Variants in ATP2B2 observed in about 807,000 individuals in gnomAD.
ATP2B2 encodes the protein plasma membrane calcium-transporting ATPase 2.
In ATP2B2, 15 loss-of-function variants were observed where a neutral mutation model predicts 120.0. That is an observed-to-expected ratio of 0.12 (90% CI 0.08 to 0.19). The LOEUF (loss-of-function observed/expected upper bound fraction) is 0.19, where lower values mean the gene tolerates loss of function less well. ATP2B2 is among the 10% of genes least tolerant of loss of function. The pLI, the probability that ATP2B2 is intolerant of heterozygous loss-of-function variation, is 1.00. For missense variants in ATP2B2, 1,045 were observed against 1,719.8 expected (o/e 0.61, Z 6.94); for synonymous variants, 694 against 700.3 (o/e 0.99, Z 0.14).
chr3:10,449,207 C>T (rs1357207940), intron 2 of ATP2B2, 138 bp downstream of exon 2: 2 of 980,682 alleles, frequency 2.0e-6, no homozygotes, highest in Non-Finnish European at 3.0e-6. Context: ...AGCTAGAATG[C>T]ACTACAATGG....
intron 7 of ATP2B2, 22 bp downstream of exon 7, chr3:10,386,458 C>A (rs2061682830): frequency 6.2e-7 from 1 of 1,613,410 alleles, no homozygotes; most frequent in Non-Finnish European, 8.5e-7. Context: ...AGCCCATCTA[C>A]CCTGAGGGTG....
intron 3 of ATP2B2, among the ~76,000 whole-genome samples, chr3:10,403,520 C>G (rs2062301650): frequency 6.6e-6 from 1 of 152,248 alleles, no homozygotes; most frequent in Non-Finnish European, 1.5e-5. Context: ...CTCATCCCCA[C>G]AAGGGTCCTG....
At chr3:10,444,530 C>T (rs1048916308) in intron 2 of ATP2B2, among the ~76,000 whole-genome samples, 1 of 152,256 alleles carries the variant, frequency 6.6e-6, no homozygotes. Context: ...GGGATTCATA[C>T]AAAATTAACC....
At chr3:10,647,842 G>A (rs190270198) in intron 1 of ATP2B2, among the ~76,000 whole-genome samples, 1 of 152,332 alleles carries the variant, frequency 6.6e-6, no homozygotes, top group East Asian at 1.9e-4. Flanking sequence ...GCAAAGTCCA[G>A]AGAGGTGCAC....
chr3:10,686,043 C>CTTTTTTTTTTTTTT (rs34073958), intron 1 of ATP2B2, among the ~76,000 whole-genome samples: 1 of 93,224 alleles, frequency 1.1e-5, no homozygotes, highest in African/African-American at 4.1e-5. Flanking sequence ...TTCCTCCTTT[C>CTTTTTTTTTTTTTT]TTTTTTTTTT....
intron 1 of ATP2B2, among the ~76,000 whole-genome samples, chr3:10,677,398 G>T (rs993320788): frequency 5.3e-5 from 8 of 152,198 alleles, no homozygotes; most frequent in Admixed American, 5.2e-4. Context: ...GTCAACAGGG[G>T]TTGGGGGAAG....
chr3:10,506,999 A>G (rs895787144), upstream of ATP2B2, among the ~76,000 whole-genome samples: 9 of 152,360 alleles, frequency 5.9e-5, no homozygotes, highest in South Asian at 6.2e-4. Flanking sequence ...GTCTCCCACC[A>G]GTAGGCCATG....
intron 10 of ATP2B2, among the ~76,000 whole-genome samples, chr3:10,376,545 TG>T (rs1017076907): frequency 2.0e-5 from 3 of 152,170 alleles, no homozygotes; most frequent in African/African-American, 7.2e-5. Flanking sequence ...CCTGATCCCC[TG>T]GGGCTTCCTC....
intron 1 of ATP2B2, among the ~76,000 whole-genome samples, chr3:10,456,514 G>C (rs638107): frequency 0.69 from 104,550 of 152,168 alleles, 40,512 homozygotes; most frequent in Non-Finnish European, 0.86. Flanking sequence ...ACAGGGTTTT[G>C]TAAGGATTGA....
intron 2 of ATP2B2, among the ~76,000 whole-genome samples, chr3:10,577,671 G>C (rs1161567366): frequency 1.3e-5 from 2 of 152,240 alleles, no homozygotes; most frequent in Non-Finnish European, 2.9e-5. Flanking sequence ...GCACAATGTA[G>C]ATGGTGTCCT....
chr3:10,327,159 T>C lies in ATP2B2; in HGVS notation c.*1655A>G, dbSNP rs1340084807. ...CTGAGACCCACAAAGTGCTTAGCAG[T>C]TAAGAGGCTGACATCCAATTAAATA... On this transcript the variant is annotated 3_prime_UTR_variant, in exon 23 of 23. Transcript: ENST00000360273. The C allele has an allele frequency of 4.0e-6, 1 of 248,528 alleles. No individual in the cohort carries two copies. Among genetic ancestry groups the C allele is most frequent in the Non-Finnish European group, 7.6e-6 (1 of 131,736 alleles). The allele number at this position is 248,528 out of a possible 1,614,324, so 15.4% of individuals were successfully genotyped here.
chr3:10,661,594 A>G (rs1224200131), intron 1 of ATP2B2, among the ~76,000 whole-genome samples: 2 of 152,262 alleles, frequency 1.3e-5, no homozygotes, highest in Admixed American at 1.3e-4. Flanking sequence ...TCAATGAAAT[A>G]AAAGAGGACA....
chr3:10,335,619 G>A (rs1196626102), intron 22 of ATP2B2, among the ~76,000 whole-genome samples: 1 of 152,188 alleles, frequency 6.6e-6, no homozygotes, highest in Non-Finnish European at 1.5e-5. Context: ...ATCCCAATGT[G>A]ACTGACTGGG....
chr3:10,612,524 T>C (rs2069269406), intron 2 of ATP2B2, among the ~76,000 whole-genome samples: 1 of 152,162 alleles, frequency 6.6e-6, no homozygotes, highest in African/African-American at 2.4e-5. Context: ...CTCTCCCCAC[T>C]ACTAAGTGTG....
chr3:10,346,019 G>A lies in ATP2B2; in HGVS notation c.2511+12C>T. ...CCCCCACCACCCCAGGCCCTCTGTG[G>A]GCCGTTCCTACCATGGCGAAGCCCA... On this transcript the variant is annotated intron_variant, in intron 17 of 22. Transcript: ENST00000360273. This position sits in a 1 kb window ranked among gnomAD's most constrained non-coding sequence, Gnocchi z 4.1. 6.2e-7 allele frequency: 1 copy of A among 1,607,868 alleles called. No homozygotes were observed. The highest frequency in any genetic ancestry group is 8.5e-7 in the Non-Finnish European group (1 of 1,178,868).
chr3:10,610,471 C>T (rs1369524312), intron 2 of ATP2B2, among the ~76,000 whole-genome samples: 1 of 152,132 alleles, frequency 6.6e-6, no homozygotes, highest in Non-Finnish European at 1.5e-5. Flanking sequence ...CTAGCTGCTT[C>T]TCCTCCCCAG....
chr3:10,621,026 A>G (rs753014610), intron 1 of ATP2B2, among the ~76,000 whole-genome samples: 9 of 152,282 alleles, frequency 5.9e-5, no homozygotes, highest in Non-Finnish European at 1.3e-4. Context: ...CTCACTGACC[A>G]TGAGATGACA....
intron 1 of ATP2B2, among the ~76,000 whole-genome samples, chr3:10,484,882 C>T (rs2065577183): frequency 2.0e-5 from 3 of 152,244 alleles, no homozygotes; most frequent in Admixed American, 6.5e-5. Context: ...GCGCAGATTC[C>T]TTCACAGTGC....
At chr3:10,579,419 T>C (rs569457359) in intron 2 of ATP2B2, among the ~76,000 whole-genome samples, 1 of 152,182 alleles carries the variant, frequency 6.6e-6, no homozygotes, top group Non-Finnish European at 1.5e-5. Context: ...ACGCCTGTAA[T>C]CCCAGCACTT....
Sources: allele counts gnomAD v4.1 joint callset (sites outside exome capture counted in the v4.1 genomes callset), GRCh38; gene constraint gnomAD v4.1.1; non-coding constraint Gnocchi (gnomAD v3.1); transcripts MANE v1.5; gene names NCBI Gene and HGNC (gene_info 2026-07-23, HGNC 2026-07-21).